Variants in TBC1D22A observed in about 807,000 individuals in gnomAD.
The protein encoded by TBC1D22A is TBC1 domain family member 22A.
In TBC1D22A, 38 loss-of-function variants were observed where a neutral mutation model predicts 60.2. That is an observed-to-expected ratio of 0.63 (90% CI 0.49 to 0.83). The LOEUF is 0.83. Among genes scored for constraint, TBC1D22A ranks in the 40% least tolerant of loss-of-function variants. The pLI, the probability that TBC1D22A is intolerant of heterozygous loss-of-function variation, is 0.00. For missense variants in TBC1D22A, 628 were observed against 701.0 expected, an observed-to-expected ratio of 0.90 and a Z score of 1.18; for synonymous variants, 302 against 281.7, an observed-to-expected ratio of 1.07 and a Z score of -0.72.
At chr22:46,827,315 G>GC (rs969236220) in intron 4 of TBC1D22A, among the ~76,000 whole-genome samples, 23 of 152,174 alleles carry the variant, frequency 1.5e-4, no homozygotes, top group African/African-American at 5.1e-4. Context: ...GCGTTCCTGA[G>GC]CTCCCATGCA....
chr22:46,939,497 G>A (rs77416889), intron 8 of TBC1D22A, among the ~76,000 whole-genome samples: 5,209 of 152,248 alleles, frequency 0.034, 125 homozygotes, highest in Non-Finnish European at 0.049. Context: ...CTTTTAAGAC[G>A]TTTATGGACC....
At chr22:46,918,447 C>CTG (rs1447881336) in intron 8 of TBC1D22A, among the ~76,000 whole-genome samples, 1 of 152,064 alleles carries the variant, frequency 6.6e-6, no homozygotes, top group Non-Finnish European at 1.5e-5. Flanking sequence ...GGAAGAGGGT[C>CTG]TGTGTGTGTG....
At chr22:46,794,100 G>C (rs1220519756) in intron 3 of TBC1D22A, among the ~76,000 whole-genome samples, 1 of 152,198 alleles carries the variant, frequency 6.6e-6, no homozygotes, top group Non-Finnish European at 1.5e-5. Context: ...GCCTAGCTAC[G>C]TGCATGTCTT....
rs542638690 is a variant in TBC1D22A at position 47,016,579 on chromosome 22, C to A, written c.1201+18870C>A. The stretch of plus-strand genomic sequence containing the variant: ...GCTTGTAGGACACCGAGCTCTTTGC[C>A]CGATAGTGTCAGTGGGAGGTTCCAG... On this transcript the variant is annotated intron_variant, in intron 10 of 12. Coordinates refer to ENST00000337137, the MANE Select transcript of TBC1D22A (RefSeq NM_014346.5). 2.0e-5 allele frequency among the ~76,000 whole-genome samples: 3 copies of A among 152,300 alleles called. No homozygotes were observed. In the South Asian group the frequency reaches 6.2e-4, roughly 32 times the overall value.
At chr22:46,863,675 G>T (rs1010392545) in intron 4 of TBC1D22A, among the ~76,000 whole-genome samples, 1 of 152,168 alleles carries the variant, frequency 6.6e-6, no homozygotes, top group African/African-American at 2.4e-5. Flanking sequence ...AACCAAAGGG[G>T]TCATGCGATA....
chr22:46,860,992 T>C (rs1010908870), intron 4 of TBC1D22A, among the ~76,000 whole-genome samples: 1 of 152,198 alleles, frequency 6.6e-6, no homozygotes, highest in African/African-American at 2.4e-5. Context: ...AATTTTTTTT[T>C]AAGGCAGGGT....
At chr22:46,785,627 A>C (rs1254183324) in intron 1 of TBC1D22A, among the ~76,000 whole-genome samples, 1 of 152,208 alleles carries the variant, frequency 6.6e-6, no homozygotes, top group Non-Finnish European at 1.5e-5. Context: ...CTAGTCCCCA[A>C]GTAACCACTA....
intron 12 of TBC1D22A, among the ~76,000 whole-genome samples, chr22:47,153,495 C>T (rs921777196): frequency 3.3e-5 from 5 of 150,650 alleles, no homozygotes; most frequent in African/African-American, 9.8e-5. Context: ...GGCAGAAAGG[C>T]GTGAGAGAAG....
chr22:46,804,882 G>A (rs900749595), intron 4 of TBC1D22A, among the ~76,000 whole-genome samples: 12 of 152,128 alleles, frequency 7.9e-5, no homozygotes, highest in Admixed American at 3.9e-4. Context: ...CTTATCTGTT[G>A]CATGTTTGTC....
At chr22:47,020,325 C>G (rs888263871) in intron 10 of TBC1D22A, among the ~76,000 whole-genome samples, 3 of 152,168 alleles carry the variant, frequency 2.0e-5, no homozygotes, top group Non-Finnish European at 2.9e-5. Flanking sequence ...TGGCAGGATT[C>G]TCAGCCATAC....
At chr22:47,034,512 G>A (rs2062591829) in intron 10 of TBC1D22A, among the ~76,000 whole-genome samples, 1 of 152,198 alleles carries the variant, frequency 6.6e-6, no homozygotes, top group Admixed American at 6.5e-5. Flanking sequence ...ATGAAGACAC[G>A]ATGATGTCCA....
intron 10 of TBC1D22A, among the ~76,000 whole-genome samples, chr22:47,008,083 A>G (rs2061644704): frequency 6.6e-6 from 1 of 152,224 alleles, no homozygotes; most frequent in Non-Finnish European, 1.5e-5. Context: ...GGGACTCTTC[A>G]TTTCTCTTTG....
At chr22:46,966,431 G>T (rs1001582360) in intron 8 of TBC1D22A, among the ~76,000 whole-genome samples, 38 of 152,302 alleles carry the variant, frequency 2.5e-4, no homozygotes, top group African/African-American at 8.9e-4. Flanking sequence ...CATGTTCTTT[G>T]TTTCGTCCTC....
At chr22:46,806,135 G>A (rs1899053459) in intron 4 of TBC1D22A, among the ~76,000 whole-genome samples, 4 of 152,264 alleles carry the variant, frequency 2.6e-5, no homozygotes, top group Admixed American at 2.6e-4. Context: ...ACAGGTGTGA[G>A]CCACCGCGCC....
chr22:46,951,463 G>A (rs774538165), intron 8 of TBC1D22A, among the ~76,000 whole-genome samples: 23 of 152,146 alleles, frequency 1.5e-4, no homozygotes, highest in Admixed American at 3.9e-4. Context: ...AGGATTGCCC[G>A]GGGCAGTGAG....
At chr22:47,151,128 T>C (rs1209443980) in intron 12 of TBC1D22A, among the ~76,000 whole-genome samples, 1 of 152,170 alleles carries the variant, frequency 6.6e-6, no homozygotes, top group African/African-American at 2.4e-5. Context: ...GAAAGGGACC[T>C]AGACCTGCTG....
intron 8 of TBC1D22A, among the ~76,000 whole-genome samples, chr22:46,919,951 A>C (rs750802686): frequency 6.6e-6 from 1 of 152,176 alleles, no homozygotes; most frequent in Non-Finnish European, 1.5e-5. Flanking sequence ...ATTCCCTGTC[A>C]TAAGAGGGAA....
intron 11 of TBC1D22A, among the ~76,000 whole-genome samples, chr22:47,088,311 A>G (rs1007141573): frequency 6.6e-6 from 1 of 152,136 alleles, no homozygotes; most frequent in African/African-American, 2.4e-5. Context: ...TTTAAGATGA[A>G]TCTGGAACAT....
At chr22:46,870,539 G>A (rs1358028720) in intron 4 of TBC1D22A, among the ~76,000 whole-genome samples, 7 of 152,184 alleles carry the variant, frequency 4.6e-5, no homozygotes, top group African/African-American at 9.7e-5. Context: ...TTTACTGCCT[G>A]ACTGTGTGAA....
Sources: allele counts gnomAD v4.1 joint callset (sites outside exome capture counted in the v4.1 genomes callset), GRCh38; gene constraint gnomAD v4.1.1; transcripts MANE v1.5; gene names NCBI Gene and HGNC (gene_info 2026-07-23, HGNC 2026-07-21).